Variants in KCNT2 observed in about 807,000 individuals in gnomAD.
The protein encoded by KCNT2 is potassium channel subfamily T member 2.
In KCNT2, 67 loss-of-function variants were observed where a neutral mutation model predicts 153.8. The ratio of observed to expected loss-of-function variants is 0.44; its 90% CI spans 0.36 to 0.53. KCNT2 has a LOEUF of 0.53. Among genes scored for constraint, KCNT2 ranks in the 20% least tolerant of loss-of-function variants. The pLI is 0.00. For synonymous variants in KCNT2, 500 were observed against 458.8 expected, an observed-to-expected ratio of 1.09 and a Z score of -1.15; for missense variants, 975 against 1,354.8, an observed-to-expected ratio of 0.72 and a Z score of 4.40.
At chr1:196,505,798 A>T (rs1020711977) in intron 1 of KCNT2, among the ~76,000 whole-genome samples, 3 of 151,990 alleles carry the variant, frequency 2.0e-5, no homozygotes, top group Non-Finnish European at 4.4e-5. Context: ...GAGGTCCTTC[A>T]CGTCCCTTGT....
chr1:196,360,960 T>C (rs979033918), intron 14 of KCNT2, among the ~76,000 whole-genome samples: 20 of 152,108 alleles, frequency 1.3e-4, no homozygotes, highest in African/African-American at 4.8e-4. Context: ...TGTAGTATCC[T>C]GATGAAGTGA....
chr1:196,404,142 G>C (rs966932247), intron 12 of KCNT2: 1 of 981,266 alleles, frequency 1.0e-6, no homozygotes, highest in Admixed American at 6.2e-5. Flanking sequence ...CTTGCATTTA[G>C]TGAGTTCTCA....
At chr1:196,386,394 T>C (rs9427622) in intron 13 of KCNT2, among the ~76,000 whole-genome samples, 73,493 of 151,916 alleles carry the variant, frequency 0.48, 19,510 homozygotes, top group Middle Eastern at 0.69. Context: ...TATACTAGCT[T>C]ACGAAATTGC....
At chr1:196,427,367 T>A (rs1332004023) in intron 10 of KCNT2, among the ~76,000 whole-genome samples, 1 of 152,042 alleles carries the variant, frequency 6.6e-6, no homozygotes, top group East Asian at 1.9e-4. Flanking sequence ...AAGGAAAGGA[T>A]AATTAGAAAT....
At chr1:196,329,916 G>T (rs1664278467) in intron 18 of KCNT2, among the ~76,000 whole-genome samples, 2 of 111,376 alleles carry the variant, frequency 1.8e-5, no homozygotes, top group Admixed American at 9.7e-5. Flanking sequence ...TATTCATCTG[G>T]GCCCATTGAA....
At chr1:196,481,601 T>C (rs1272140352) in intron 4 of KCNT2, among the ~76,000 whole-genome samples, 1 of 152,216 alleles carries the variant, frequency 6.6e-6, no homozygotes, top group Non-Finnish European at 1.5e-5. Context: ...TTCCGATTAA[T>C]TTGTAATTTT....
chr1:196,530,240 G>T (rs1448590793), intron 1 of KCNT2, among the ~76,000 whole-genome samples: 1 of 151,906 alleles, frequency 6.6e-6, no homozygotes, highest in African/African-American at 2.4e-5. Flanking sequence ...AAAATGTTAG[G>T]AGGAGATTTA....
intron 13 of KCNT2, 55 bp downstream of exon 13, chr1:196,398,508 G>C: frequency 1.1e-6 from 1 of 897,852 alleles, no homozygotes; most frequent in Non-Finnish European, 1.8e-6. Context: ...TAACCCTTAA[G>C]CCACTATAGG....
intron 12 of KCNT2, among the ~76,000 whole-genome samples, chr1:196,417,629 C>G (rs1672861105): frequency 6.6e-6 from 1 of 152,058 alleles, no homozygotes; most frequent in Admixed American, 6.6e-5. Flanking sequence ...GTATAACTTT[C>G]TTCTCATCCC....
chr1:196,548,360 C>T (rs921540956), intron 1 of KCNT2, among the ~76,000 whole-genome samples: 3 of 151,992 alleles, frequency 2.0e-5, no homozygotes, highest in Non-Finnish European at 4.4e-5. Context: ...CATGAACAGA[C>T]ACTTCTCAAA....
At chr1:196,317,525 C>T (rs1662842601) in intron 20 of KCNT2, among the ~76,000 whole-genome samples, 1 of 151,606 alleles carries the variant, frequency 6.6e-6, no homozygotes. Context: ...CTTCACACCA[C>T]CTTATCATAA....
intron 1 of KCNT2, among the ~76,000 whole-genome samples, chr1:196,545,496 C>T (rs542903424): frequency 6.6e-6 from 1 of 152,082 alleles, no homozygotes; most frequent in East Asian, 1.9e-4. Context: ...CAAATAGGAA[C>T]CTGCAAGCAA....
intron 21 of KCNT2, among the ~76,000 whole-genome samples, chr1:196,306,455 G>A (rs1661643913): frequency 6.6e-6 from 1 of 152,032 alleles, no homozygotes; most frequent in African/African-American, 2.4e-5. Context: ...CTTTTAAGAT[G>A]GGAGCCCTGT....
intron 26 of KCNT2, among the ~76,000 whole-genome samples, chr1:196,239,650 T>A (rs1460197233): frequency 6.6e-6 from 1 of 152,052 alleles, no homozygotes; most frequent in African/African-American, 2.4e-5. Context: ...AGAGGATTTT[T>A]GAAAGAGGAT....
chr1:196,565,079 T>C (rs1471496095), intron 1 of KCNT2, among the ~76,000 whole-genome samples: 1 of 149,222 alleles, frequency 6.7e-6, no homozygotes, highest in Non-Finnish European at 1.5e-5. Flanking sequence ...TGATAAAGGA[T>C]TAACATACAA....
At chr1:196,270,602 G>C (rs1050508240) in intron 25 of KCNT2, among the ~76,000 whole-genome samples, 1 of 152,046 alleles carries the variant, frequency 6.6e-6, no homozygotes, top group Non-Finnish European at 1.5e-5. Flanking sequence ...CAAATTGTAT[G>C]CATCATTAGA....
intron 22 of KCNT2, among the ~76,000 whole-genome samples, chr1:196,287,811 G>T (rs1180812208): frequency 6.6e-6 from 1 of 152,064 alleles, no homozygotes; most frequent in African/African-American, 2.4e-5. Context: ...GTTAATAGAA[G>T]TATTATGTGT....
chr1:196,286,638 TACACAC>T (rs201006771), intron 22 of KCNT2, among the ~76,000 whole-genome samples: 7 of 134,310 alleles, frequency 5.2e-5, no homozygotes, highest in Non-Finnish European at 1.2e-4. Context: ...CACACACACA[TACACAC>T]ACACACACAC....
At chr1:196,286,644 C>T (rs542079624) in intron 22 of KCNT2, among the ~76,000 whole-genome samples, 1 of 151,300 alleles carries the variant, frequency 6.6e-6, no homozygotes, top group African/African-American at 2.4e-5. Context: ...CACATACACA[C>T]ACACACACAC....
Sources: gnomAD v4.1 joint callset for allele counts (sites outside exome capture counted in the v4.1 genomes callset) on GRCh38, gnomAD v4.1.1 for gene constraint, MANE v1.5 for transcripts, NCBI Gene and HGNC (gene_info 2026-07-23, HGNC 2026-07-21) for gene names.